Variants in CEP57 observed in about 807,000 individuals in gnomAD.
The protein encoded by CEP57 is centrosomal protein of 57 kDa.
A neutral mutation model predicts 68.0 loss-of-function variants in CEP57; 40 were observed. That is an observed-to-expected ratio of 0.59 (90% CI 0.46 to 0.77). The LOEUF is 0.77. Ranked by LOEUF, CEP57 falls within the 30% of genes least tolerant of loss-of-function variation. The pLI is 0.00. For missense variants in CEP57, 606 were observed against 580.7 expected (o/e 1.04, Z -0.45); for synonymous variants, 219 against 198.7 (o/e 1.10, Z -0.86).
chr11:95,822,650 G>A, intron 8 of CEP57, 74 bp downstream of exon 8: 1 of 932,978 alleles, frequency 1.1e-6, no homozygotes, highest in Non-Finnish European at 1.7e-6. Flanking sequence ...CTGCAAGTAT[G>A]TCTACAAATG....
At chr11:95,818,981 G>C in intron 6 of CEP57, 77 bp downstream of exon 6, 2 of 1,091,890 alleles carry the variant, frequency 1.8e-6, no homozygotes, top group Non-Finnish European at 1.4e-6. Flanking sequence ...TTACATTTAG[G>C]TATCTTACAT....
intron 1 of CEP57, among the ~76,000 whole-genome samples, chr11:95,792,733 T>G (rs1444461977): frequency 2.0e-5 from 3 of 152,176 alleles, no homozygotes; most frequent in African/African-American, 7.2e-5. Context: ...TAACTCAATC[T>G]GCTACATCAA....
intron 1 of CEP57, among the ~76,000 whole-genome samples, chr11:95,792,403 G>T (rs1244298870): frequency 6.6e-6 from 1 of 152,216 alleles, no homozygotes; most frequent in Non-Finnish European, 1.5e-5. Flanking sequence ...GCTGAGGCGG[G>T]AGGATCACTG....
intron 1 of CEP57, 86 bp from the exon 2 acceptor site, chr11:95,799,142 ACAGT>A (rs1161346436): frequency 7.0e-6 from 9 of 1,288,702 alleles, no homozygotes; most frequent in Non-Finnish European, 8.9e-6. Flanking sequence ...GTCTGTATGG[ACAGT>A]CAATCTCAGT....
At chr11:95,828,422 T>C (rs1196931244) in intron 9 of CEP57, among the ~76,000 whole-genome samples, 1 of 152,240 alleles carries the variant, frequency 6.6e-6, no homozygotes, top group East Asian at 1.9e-4. Context: ...AGCATGTTAC[T>C]CTACTACTAA....
intron 2 of CEP57, among the ~76,000 whole-genome samples, chr11:95,801,469 A>AC (rs11447193): frequency 1.3e-5 from 2 of 150,760 alleles, no homozygotes; most frequent in Admixed American, 1.3e-4. Flanking sequence ...AAAAAAAAAA[A>AC]TGACTGAAGC....
intron 2 of CEP57, among the ~76,000 whole-genome samples, chr11:95,804,035 C>T (rs1861691547): frequency 2.0e-5 from 3 of 151,868 alleles, no homozygotes; most frequent in Admixed American, 2.0e-4. Context: ...AGAAAAATTT[C>T]AGGAAACAAA....
chr11:95,806,091 TAA>T (rs1565316378), intron 2 of CEP57, among the ~76,000 whole-genome samples: 2 of 152,236 alleles, frequency 1.3e-5, no homozygotes, highest in Non-Finnish European at 2.9e-5. Context: ...GACCCAATTA[TAA>T]AAGTGACCAC....
chr11:95,801,613 G>A (rs998085354), intron 2 of CEP57, among the ~76,000 whole-genome samples: 1 of 151,778 alleles, frequency 6.6e-6, no homozygotes, highest in East Asian at 1.9e-4. Context: ...CTATAATATT[G>A]TATCTAGTTC....
chr11:95,808,284 C>T (rs1298403476), intron 2 of CEP57, among the ~76,000 whole-genome samples: 11 of 152,102 alleles, frequency 7.2e-5, no homozygotes, highest in South Asian at 2.1e-4. Flanking sequence ...TAAAGACCAT[C>T]GAGACTAGGA....
intron 2 of CEP57, among the ~76,000 whole-genome samples, chr11:95,803,785 G>A (rs926812864): frequency 2.0e-5 from 3 of 150,114 alleles, no homozygotes; most frequent in African/African-American, 4.9e-5. Context: ...AAAAATTACT[G>A]AGTTTTAAGT....
At position 95,813,103 on chromosome 11, in the gene CEP57, ACAAT is replaced by A. The variant is rs1862140949; in HGVS notation, c.378_381del (p.Asn126LysfsTer3). 6.2e-7 allele frequency: 1 copy of A among 1,612,440 alleles called. No homozygotes were observed. Among genetic ancestry groups the A allele is most frequent in the Non-Finnish European group, 8.5e-7 (1 of 1,179,844 alleles). ...AATTCAAAGAATGAGGAATCAAAGCACAATCAAGGTTTGTTGATGAAGAAAATTA... is the reference window on the plus strand; with the variant it reads ...AATTCAAAGAATGAGGAATCAAAGCACAAGGTTTGTTGATGAAGAAAATTA... On this transcript the variant is annotated frameshift_variant, in exon 3 of 11. Coordinates refer to ENST00000325542, the MANE Select transcript of CEP57 (RefSeq NM_014679.5). LOFTEE classifies it high-confidence loss of function.
At position 95,829,330 on chromosome 11, in the gene CEP57, AG is replaced by A; in HGVS notation, c.1272+1del. 1 of 1,613,634 alleles carries A rather than the reference AG, an allele frequency of 6.2e-7. No individual in the cohort carries two copies. The highest frequency in any genetic ancestry group is 1.1e-5 in the South Asian group (1 of 91,080). On this transcript the variant is annotated frameshift_variant and splice_region_variant, in exon 10 of 11. Coordinates refer to ENST00000325542, the MANE Select transcript of CEP57 (RefSeq NM_014679.5). LOFTEE classifies it high-confidence loss of function. The part of the protein sequence containing the change: ...QITKVRKYQA[Q>X]LEKQKLEKQK... ...ACTAAAGTTCGAAAATACCAAGCCC[AG>A]GTAACTCAGTTTTCCTTCACTCAAG...
intron 9 of CEP57, among the ~76,000 whole-genome samples, chr11:95,828,324 T>C (rs563653): frequency 6.6e-6 from 1 of 152,050 alleles, no homozygotes; most frequent in South Asian, 2.1e-4. Context: ...CTCTGAGAAA[T>C]ACATCATTAG....
chr11:95,821,120 T>C (rs1264938112), intron 6 of CEP57, among the ~76,000 whole-genome samples: 1 of 152,192 alleles, frequency 6.6e-6, no homozygotes, highest in African/African-American at 2.4e-5. Context: ...CACCTGGCAG[T>C]CCAAATTGTC....
rs117113132 is a variant in CEP57, at chr11:95,797,723, T to C, written c.46-1509T>C. Among the ~76,000 whole-genome samples the C allele has an allele frequency of 1.7e-3, 260 of 152,292 alleles. 7 individuals carry two copies. In the East Asian group the frequency reaches 0.048, roughly 28 times the overall value. On this transcript the variant is annotated intron_variant, in intron 1 of 10. Transcript: ENST00000325542. The stretch of plus-strand genomic sequence containing the variant: ...AATGTATATGTCATGAGGAGTGATA[T>C]AAAATAGTAAAGGGCAAGCCCACTA...
chr11:95,809,556 C>T (rs1035549813), intron 2 of CEP57, among the ~76,000 whole-genome samples: 42 of 151,986 alleles, frequency 2.8e-4, no homozygotes, highest in Non-Finnish European at 1.9e-4. Flanking sequence ...CTACCATCAG[C>T]GAATACTATA....
intron 1 of CEP57, among the ~76,000 whole-genome samples, chr11:95,793,980 C>G (rs192953488): frequency 6.6e-6 from 1 of 152,286 alleles, no homozygotes; most frequent in East Asian, 1.9e-4. Context: ...TCTGTAATGA[C>G]CACGTTTGTG....
At chr11:95,823,598 G>A (rs1384878186) in intron 8 of CEP57, among the ~76,000 whole-genome samples, 2 of 150,796 alleles carry the variant, frequency 1.3e-5, no homozygotes, top group African/African-American at 2.4e-5. Flanking sequence ...CACAGACTAC[G>A]TGACGCCATT....
Sources: gnomAD v4.1 joint callset for allele counts (sites outside exome capture counted in the v4.1 genomes callset) on GRCh38, gnomAD v4.1.1 for gene constraint, MANE v1.5 for transcripts, NCBI Gene and HGNC (gene_info 2026-07-23, HGNC 2026-07-21) for gene names.